Variants in PROZ observed in about 807,000 individuals in gnomAD.
PROZ encodes the protein vitamin K-dependent protein Z.
Under a neutral mutation model 34.9 loss-of-function variants are expected in PROZ, and 46 were observed. That is an observed-to-expected ratio of 1.32 (90% CI 1.04 to 1.69). The LOEUF (loss-of-function observed/expected upper bound fraction) is 1.69, where lower values mean the gene tolerates loss of function less well. Ranked by LOEUF, PROZ falls within the 40% of genes most tolerant of loss-of-function variation. PROZ has a pLI of 0.00. For missense variants in PROZ, 530 were observed against 520.4 expected, an observed-to-expected ratio of 1.02 and a Z score of -0.18; for synonymous variants, 195 against 208.5, an observed-to-expected ratio of 0.94 and a Z score of 0.56.
At position 113,160,984 on chromosome 13, in the gene PROZ, C is replaced by G. The variant is rs757729305; in HGVS notation, c.259+12C>G. On this transcript the variant is annotated intron_variant, in intron 3 of 7. Coordinates refer to ENST00000375547, the MANE Select transcript of PROZ (RefSeq NM_003891.3). ...GAGACGATATAAGGGTAAGTGGTTT[C>G]CTTCGTCTCCTCAGAAGTATTAATT... is the stretch of plus-strand genomic sequence containing the variant. The G allele has an allele frequency of 3.1e-6, 5 of 1,604,312 alleles. No homozygotes were observed. Among genetic ancestry groups the G allele is most frequent in the Non-Finnish European group, 4.3e-6 (5 of 1,171,782 alleles).
intron 5 of PROZ, 103 bp from the exon 6 acceptor site, chr13:113,164,950 A>G: frequency 1.7e-6 from 2 of 1,144,318 alleles, no homozygotes; most frequent in Non-Finnish European, 2.6e-6. Context: ...TATAATGGTT[A>G]GTACCATAGA....
chr13:113,163,301 C>T (rs1282051512), intron 4 of PROZ, among the ~76,000 whole-genome samples, 179 bp downstream of exon 4: 1 of 152,022 alleles, frequency 6.6e-6, no homozygotes, highest in Non-Finnish European at 1.5e-5. Context: ...CTCCAGAAAC[C>T]ACGCCGGGGG....
intron 4 of PROZ, among the ~76,000 whole-genome samples, chr13:113,163,750 G>T (rs552887089): frequency 6.6e-6 from 1 of 151,732 alleles, no homozygotes; most frequent in South Asian, 2.1e-4. Flanking sequence ...CACCCACCAT[G>T]TGCCCCTTTC....
intron 3 of PROZ, 105 bp from the exon 4 acceptor site, chr13:113,162,904 T>G: frequency 6.6e-5 from 25 of 377,744 alleles, no homozygotes; most frequent in East Asian, 1.9e-4. Flanking sequence ...CCCCACTCCA[T>G]CCTCCTCCTG....
At chr13:113,167,572 TGATATA>T (rs1160303874) in intron 6 of PROZ, among the ~76,000 whole-genome samples, 2 of 152,252 alleles carry the variant, frequency 1.3e-5, no homozygotes, top group Non-Finnish European at 2.9e-5. Context: ...TGTCTGATAT[TGATATA>T]GACACTTTAC....
chr13:113,163,064 C>T lies in PROZ; in HGVS notation c.315C>T (p.Ser105=). The T allele has an allele frequency of 6.4e-7, 1 of 1,564,056 alleles. No homozygotes were observed. The highest frequency in any genetic ancestry group is 1.2e-5 in the South Asian group (1 of 84,916). Residue 105 remains serine, a synonymous_variant, in exon 4 of 8, where the codon AGC becomes AGT. Coordinates refer to ENST00000375547, the MANE Select transcript of PROZ (RefSeq NM_003891.3). ...TCCACAACGGCTCTTGCCAGGACAG[C>T]ATCTGGGGCTACACCTGCACCTGCT... ...PCLHNGSCQD[S]IWGYTCTCSP...
chr13:113,164,979 A>T, intron 5 of PROZ, 74 bp from the exon 6 acceptor site: 1 of 1,418,310 alleles, frequency 7.1e-7, no homozygotes, highest in Non-Finnish European at 9.9e-7. Context: ...TGCAACGGTT[A>T]ACACCATAGA....
chr13:113,169,507 G>T (rs2037045695), intron 6 of PROZ, among the ~76,000 whole-genome samples: 1 of 152,154 alleles, frequency 6.6e-6, no homozygotes, highest in Non-Finnish European at 1.5e-5. Flanking sequence ...TATCCTGTTA[G>T]GTGCTGAATA....
rs373620493 is a variant in PROZ, at chr13:113,160,994, C to G, written c.259+22C>G. ...AAGGGTAAGTGGTTTCCTTCGTCTC[C>G]TCAGAAGTATTAATTCCTCGGGATG... On this transcript the variant is annotated intron_variant, in intron 3 of 7. Coordinates refer to ENST00000375547, the MANE Select transcript of PROZ (RefSeq NM_003891.3). 4.0e-4 allele frequency: 637 copies of G among 1,600,414 alleles called. 2 individuals are homozygous for G. Among genetic ancestry groups the G allele is most frequent in the Admixed American group, 7.8e-4 (47 of 59,982 alleles).
At chr13:113,164,879 GT>G (rs2036875676) in intron 5 of PROZ, 173 bp from the exon 6 acceptor site, 1 of 944,104 alleles carries the variant, frequency 1.1e-6, no homozygotes, top group Non-Finnish European at 1.6e-6. Context: ...GTGAGGGGTG[GT>G]TTAACTCCAG....
At chr13:113,167,791 T>C (rs1347640710) in intron 6 of PROZ, among the ~76,000 whole-genome samples, 2 of 151,448 alleles carry the variant, frequency 1.3e-5, no homozygotes, top group African/African-American at 4.9e-5. Flanking sequence ...TTTATTGTAA[T>C]TGTCGATATG....
At chr13:113,160,288 C>T (rs1421627324) in intron 2 of PROZ, 111 bp downstream of exon 2, 41 of 1,336,880 alleles carry the variant, frequency 3.1e-5, no homozygotes, top group East Asian at 9.2e-5. Flanking sequence ...ATTTACTTAC[C>T]GATGAGGTTG....
Position 113,172,091 on chromosome 13 carries a change from C to T in PROZ, c.1189C>T (p.Gln397Ter), listed in dbSNP as rs202097128. ...KVSRYSLWFK[Q>*]IMN is the part of the protein sequence containing the mutation. ...CTCCAGGTACTCACTCTGGTTTAAA[C>T]AGATCATGAACTAACTGAAACTCAG... The change falls in exon 8 of 8, where the codon CAG becomes TAG. Residue 397 changes from glutamine to a stop codon, truncating the protein, a stop_gained. Transcript: ENST00000375547. LOFTEE classifies it high-confidence loss of function. 6.2e-7 allele frequency: 1 copy of T among 1,612,678 alleles called. No individual in the cohort carries two copies. The highest frequency in any genetic ancestry group is 8.5e-7 in the Non-Finnish European group (1 of 1,179,984).
Position 113,172,029 on chromosome 13 carries a change from T to G in PROZ, c.1127T>G (p.Val376Gly), listed in dbSNP as rs370029811. ...ACGGGGGTCCTGGGCTCGCAGCCAG[T>G]AGGAGGGCAGGCTCACATGGTCCTT... The part of the protein sequence containing the change: ...FLTGVLGSQP[V>G]GGQAHMVLVT... The change falls in exon 8 of 8, where the codon GTA becomes GGA. Residue 376 changes from valine to glycine, a missense_variant. Physicochemically the swap from Val to Gly is moderately radical, Grantham distance 109 (BLOSUM62 -3). Transcript: ENST00000375547. 5.0e-6 allele frequency: 8 copies of G among 1,612,994 alleles called. No homozygotes were observed. The African/African-American group carries it at 5.3e-5, about 11-fold the overall frequency.
chr13:113,158,995 G>C lies in PROZ; in HGVS notation c.70+265G>C, dbSNP rs1245370758. On this transcript the variant is annotated intron_variant, in intron 1 of 7. Coordinates refer to ENST00000375547, the MANE Select transcript of PROZ (RefSeq NM_003891.3). The surrounding 1 kb of genome is among the most constrained non-coding windows in gnomAD (Gnocchi z 4.3). ...AGGGGATTCAGCCGGGAAAGGCCGG[G>C]GAGAGGGGAGGGGGAAAGGGGGAGG... Among the ~76,000 whole-genome samples the C allele has an allele frequency of 6.6e-6, 1 of 151,122 alleles. No individual in the cohort carries two copies. Among genetic ancestry groups the C allele is most frequent in the East Asian group, 2.0e-4 (1 of 5,092 alleles).
At chr13:113,166,052 T>A (rs908854187) in intron 6 of PROZ, 1 of 152,302 alleles carries the variant, frequency 6.6e-6, no homozygotes, top group Admixed American at 6.5e-5. Flanking sequence ...CCACCCACAC[T>A]GGCTTTGATT....
chr13:113,164,392 G>C, intron 4 of PROZ, 121 bp from the exon 5 acceptor site: 1 of 1,149,166 alleles, frequency 8.7e-7, no homozygotes, highest in Non-Finnish European at 1.3e-6. Context: ...CAACACACCA[G>C]AACTCTTGTG....
Position 113,159,794 on chromosome 13 carries a change from A to G in PROZ, c.71-220A>G, listed in dbSNP as rs893351574. Among the ~76,000 whole-genome samples the G allele has an allele frequency of 1.3e-5, 2 of 152,206 alleles. No individual in the cohort carries two copies. Among genetic ancestry groups the G allele is most frequent in the African/African-American group, 4.8e-5 (2 of 41,448 alleles). Reference sequence around the variant, plus strand: ...TGGCCTCTCTGCAGAACCTTAGTGTATCCGCACTGATCCTGGGGCTGATCC... The same window carrying G: ...TGGCCTCTCTGCAGAACCTTAGTGTGTCCGCACTGATCCTGGGGCTGATCC... On this transcript the variant is annotated intron_variant, in intron 1 of 7. Transcript: ENST00000375547. This position sits in a 1 kb window ranked among gnomAD's most constrained non-coding sequence, Gnocchi z 4.6.
intron 3 of PROZ, 93 bp from the exon 4 acceptor site, chr13:113,162,905 CCTCCTCCTGCT>C: frequency 1.8e-6 from 1 of 544,810 alleles, no homozygotes. Context: ...CCCACTCCAT[CCTCCTCCTGCT>C]CAGGTCCCCA....
Sources: gnomAD v4.1 joint callset for allele counts (sites outside exome capture counted in the v4.1 genomes callset) on GRCh38, gnomAD v4.1.1 for gene constraint, Gnocchi (gnomAD v3.1) non-coding constraint, MANE v1.5 for transcripts, NCBI Gene and HGNC (gene_info 2026-07-23, HGNC 2026-07-21) for gene names.